Variants in TNRC6A observed in about 807,000 individuals in gnomAD.
TNRC6A encodes the protein trinucleotide repeat containing adaptor 6A, also known as trinucleotide repeat-containing gene 6A protein.
Under a neutral mutation model 221.2 loss-of-function variants are expected in TNRC6A, and 44 were observed. The ratio of observed to expected loss-of-function variants is 0.20; its 90% confidence interval spans 0.16 to 0.26. The LOEUF (loss-of-function observed/expected upper bound fraction) is 0.26, where lower values mean the gene tolerates loss of function less well. Among genes scored for constraint, TNRC6A ranks in the 10% least tolerant of loss-of-function variants. The pLI is 1.00. For synonymous variants in TNRC6A, 847 were observed against 838.5 expected, an observed-to-expected ratio of 1.01 and a Z score of -0.18; for missense variants, 2,199 against 2,404.4, an observed-to-expected ratio of 0.91 and a Z score of 1.79.
chr16:24,710,507 G>A (rs574961444), intron 2 of TNRC6A, among the ~76,000 whole-genome samples: 5 of 152,194 alleles, frequency 3.3e-5, no homozygotes, highest in African/African-American at 1.2e-4. Context: ...TGTAGTTTAT[G>A]TGAGAATTCT....
chr16:24,611,506 G>A (rs188043037), intron 1 of TNRC6A, among the ~76,000 whole-genome samples: 15 of 152,058 alleles, frequency 9.9e-5, no homozygotes, highest in African/African-American at 3.1e-4. Context: ...AAGGCACTCG[G>A]ACCCCAAACG....
intron 5 of TNRC6A, among the ~76,000 whole-genome samples, chr16:24,787,102 A>G (rs187910599): frequency 3.9e-5 from 6 of 152,306 alleles, no homozygotes; most frequent in Admixed American, 3.9e-4. Flanking sequence ...TGGCTACCCA[A>G]TCTGTGCTGT....
At chr16:24,622,549 G>A (rs774873206) in intron 1 of TNRC6A, among the ~76,000 whole-genome samples, 4 of 152,096 alleles carry the variant, frequency 2.6e-5, no homozygotes, top group African/African-American at 9.7e-5. Flanking sequence ...AGCCGAGATC[G>A]CACTACTGCA....
At chr16:24,715,665 T>G (rs2056300364) in intron 2 of TNRC6A, among the ~76,000 whole-genome samples, 1 of 149,706 alleles carries the variant, frequency 6.7e-6, no homozygotes, top group Admixed American at 6.7e-5. Flanking sequence ...TCTCTCAGGC[T>G]GGAGTGCAGT....
At chr16:24,703,344 A>G (rs185929989) in intron 2 of TNRC6A, among the ~76,000 whole-genome samples, 43 of 152,270 alleles carry the variant, frequency 2.8e-4, no homozygotes, top group Non-Finnish European at 5.3e-4. Context: ...TAATGTTTTC[A>G]AGGGCCAACC....
In TNRC6A at chr16:24,617,294, T is replaced by C. The variant is rs117119184; in HGVS notation, n.276+6810T>C. Among the ~76,000 whole-genome samples the C allele has an allele frequency of 3.4e-3, 517 of 152,074 alleles. 1 individual carries two copies. The highest frequency in any genetic ancestry group is 6.8e-3 in the Middle Eastern group (2 of 294). ...GTGTATGTCACCACACTTGGCTAAT[T>C]TTTAAAATATTTTTTGTAAAGACTG... On this transcript the variant is annotated intron_variant and non_coding_transcript_variant, in intron 1 of 2. Coordinates refer to the TNRC6A transcript ENST00000566108.
At chr16:24,675,702 C>CTATATATATA (rs60165161) in intron 2 of TNRC6A, among the ~76,000 whole-genome samples, 3 of 33,268 alleles carry the variant, frequency 9.0e-5, no homozygotes, top group African/African-American at 1.3e-4. Context: ...CTCTCTCTCT[C>CTATATATATA]TATATATATA....
In TNRC6A at chr16:24,791,394, C is replaced by G; in HGVS notation, c.2752C>G (p.Pro918Ala). 6.4e-7 allele frequency: 1 copy of G among 1,570,646 alleles called. No individual in the cohort carries two copies. Among genetic ancestry groups the G allele is most frequent in the South Asian group, 1.2e-5 (1 of 81,930 alleles). ...ATGGGATGAATCTTCTAAACCTACT[C>G]CTTCCCAGGGATGGGGAGACCCTCC... ...SGWDESSKPTPSQGWGDPPKS... is the reference protein window; with the variant it reads ...SGWDESSKPTASQGWGDPPKS... Residue 918 changes from proline to alanine, a missense_variant, in exon 6 of 25, where the codon CCT becomes GCT. Physicochemically the swap from Pro to Ala is conservative, Grantham distance 27 (BLOSUM62 -1). Transcript: ENST00000395799.
At chr16:24,731,664 T>A (rs2056646287) in intron 2 of TNRC6A, among the ~76,000 whole-genome samples, 1 of 152,238 alleles carries the variant, frequency 6.6e-6, no homozygotes, top group African/African-American at 2.4e-5. Context: ...TGTTTCTCCT[T>A]CCATTTTTGT....
At chr16:24,719,960 T>C (rs2056381389) in intron 2 of TNRC6A, among the ~76,000 whole-genome samples, 1 of 152,170 alleles carries the variant, frequency 6.6e-6, no homozygotes, top group East Asian at 1.9e-4. Flanking sequence ...CCTTTTGAGT[T>C]AAGGCAGGTG....
intron 2 of TNRC6A, among the ~76,000 whole-genome samples, chr16:24,715,021 C>T (rs2056286440): frequency 6.6e-6 from 1 of 151,762 alleles, no homozygotes; most frequent in Non-Finnish European, 1.5e-5. Flanking sequence ...TGACTACAGG[C>T]ACCTGCCACC....
At chr16:24,620,327 T>C (rs577299719) in intron 1 of TNRC6A, among the ~76,000 whole-genome samples, 1 of 152,248 alleles carries the variant, frequency 6.6e-6, no homozygotes, top group South Asian at 2.1e-4. Flanking sequence ...AGAGTATCCG[T>C]TTGCAATGCT....
intron 22 of TNRC6A, 125 bp from the exon 23 acceptor site, chr16:24,821,952 G>A (rs979972592): frequency 2.0e-5 from 18 of 896,528 alleles, no homozygotes; most frequent in Non-Finnish European, 3.2e-5. Context: ...GGCCTAGGGA[G>A]AAAGCCTCCC....
chr16:24,749,891 A>G (rs1439145892), intron 2 of TNRC6A, among the ~76,000 whole-genome samples: 2 of 152,064 alleles, frequency 1.3e-5, no homozygotes, highest in African/African-American at 4.8e-5. Flanking sequence ...TGTAATCCCA[A>G]CACTTTGGGA....
chr16:24,812,274 TCTC>T (rs2058562368), intron 18 of TNRC6A, among the ~76,000 whole-genome samples: 1 of 151,846 alleles, frequency 6.6e-6, no homozygotes, highest in Non-Finnish European at 1.5e-5. Flanking sequence ...CTGGTCTCGT[TCTC>T]CTGAACTCAG....
intron 2 of TNRC6A, among the ~76,000 whole-genome samples, chr16:24,676,409 G>GT (rs2055421713): frequency 6.6e-6 from 1 of 151,894 alleles, no homozygotes; most frequent in Non-Finnish European, 1.5e-5. Flanking sequence ...CAATTCTTCT[G>GT]CCTCAGCCTC....
intron 1 of TNRC6A, among the ~76,000 whole-genome samples, chr16:24,633,252 C>G (rs1422679467): frequency 6.6e-6 from 1 of 152,154 alleles, no homozygotes; most frequent in East Asian, 1.9e-4. Flanking sequence ...GATCTCAGCT[C>G]AGAGTATTAT....
At chr16:24,658,370 G>C (rs918967642) in intron 2 of TNRC6A, among the ~76,000 whole-genome samples, 1 of 152,000 alleles carries the variant, frequency 6.6e-6, no homozygotes, top group Non-Finnish European at 1.5e-5. Context: ...TTGTTTGTTT[G>C]TTTTTGAGGC....
intron 2 of TNRC6A, among the ~76,000 whole-genome samples, chr16:24,713,224 C>T (rs2056241004): frequency 6.6e-6 from 1 of 151,958 alleles, no homozygotes; most frequent in Non-Finnish European, 1.5e-5. Flanking sequence ...TCGAGACCAG[C>T]CTGGGTAACA....
Sources: gnomAD v4.1 joint callset for allele counts (sites outside exome capture counted in the v4.1 genomes callset) on GRCh38, gnomAD v4.1.1 for gene constraint, MANE v1.5 for transcripts, NCBI Gene and HGNC (gene_info 2026-07-23, HGNC 2026-07-21) for gene names.